Variants in RELN observed in about 807,000 individuals in gnomAD.
RELN encodes reelin.
Under a neutral mutation model 427.6 loss-of-function variants are expected in RELN, and 108 were observed. The ratio of observed to expected loss-of-function variants is 0.25; its 90% CI spans 0.22 to 0.30. The LOEUF (loss-of-function observed/expected upper bound fraction) is 0.30, where lower values mean the gene tolerates loss of function less well. RELN is among the 10% of genes least tolerant of loss of function. RELN has a pLI of 1.00. For missense variants in RELN, 3,715 were observed against 4,302.8 expected (o/e 0.86, Z 3.82); for synonymous variants, 1,524 against 1,513.4 (o/e 1.01, Z -0.16).
intron 10 of RELN, among the ~76,000 whole-genome samples, chr7:103,683,060 A>C (rs1191341256): frequency 6.6e-6 from 1 of 152,176 alleles, no homozygotes; most frequent in Non-Finnish European, 1.5e-5. Context: ...ATATAGAGAG[A>C]TGCTTGGGGC....
At chr7:103,535,530 C>A in intron 45 of RELN, 46 bp from the exon 46 acceptor site, 4 of 1,522,994 alleles carry the variant, frequency 2.6e-6, no homozygotes, top group Non-Finnish European at 3.6e-6. Flanking sequence ...TATCTGCAGA[C>A]CCAGGAACCA....
chr7:103,510,544 T>C (rs1263783547), intron 51 of RELN, among the ~76,000 whole-genome samples: 1 of 152,246 alleles, frequency 6.6e-6, no homozygotes, highest in East Asian at 1.9e-4. Flanking sequence ...GACGGTTTGA[T>C]GGGTGCAGCA....
chr7:103,898,991 G>T (rs1297615087), intron 2 of RELN, among the ~76,000 whole-genome samples: 4 of 151,878 alleles, frequency 2.6e-5, no homozygotes, highest in African/African-American at 7.3e-5. Flanking sequence ...CTTTAAAACG[G>T]TGCTTCCCAA....
intron 16 of RELN, among the ~76,000 whole-genome samples, chr7:103,643,267 C>G (rs2073554): frequency 0.04 from 6,116 of 152,122 alleles, 166 homozygotes; most frequent in East Asian, 0.14. Flanking sequence ...TTTGTCCCTT[C>G]TCCTCTCTTT....
intron 57 of RELN, among the ~76,000 whole-genome samples, chr7:103,494,214 C>T (rs1169016013): frequency 6.6e-6 from 1 of 152,108 alleles, no homozygotes; most frequent in Non-Finnish European, 1.5e-5. Flanking sequence ...GAGAGTTTAA[C>T]ATAGAGCTGA....
chr7:103,482,602 T>C (rs564942626), intron 63 of RELN, among the ~76,000 whole-genome samples: 2 of 152,388 alleles, frequency 1.3e-5, no homozygotes, highest in Non-Finnish European at 1.5e-5. Flanking sequence ...CTGGAGACTT[T>C]TGTTTTATCC....
At chr7:103,548,819 G>A (rs73714444) in intron 41 of RELN, among the ~76,000 whole-genome samples, 4 of 152,264 alleles carry the variant, frequency 2.6e-5, no homozygotes, top group African/African-American at 7.2e-5. Flanking sequence ...AATGCTGAGC[G>A]AGGTGGTCTC....
chr7:103,988,999 C>A lies in RELN; in HGVS notation c.226+132G>T. The A allele has an allele frequency of 1.3e-6, 1 of 789,370 alleles. No individual in the cohort carries two copies. The highest frequency in any genetic ancestry group is 2.1e-6 in the Non-Finnish European group (1 of 465,276). The allele number at this position is 789,370 out of a possible 1,614,324, so 48.9% of individuals were successfully genotyped here. A position where few individuals can be genotyped will look rare whatever the true frequency, so the allele number is the denominator to read the frequency against. ...CTAACTTTATTCTCGCTCCCTGGAC[C>A]AAGCGCATCGCTGGGGCCAGGGTTG... On this transcript the variant is annotated intron_variant, in intron 1 of 64. Transcript: ENST00000428762. The surrounding 1 kb of genome is among the most constrained non-coding windows in gnomAD (Gnocchi z 4.9).
chr7:103,973,231 T>C (rs1584412325), intron 1 of RELN, among the ~76,000 whole-genome samples: 2 of 152,230 alleles, frequency 1.3e-5, no homozygotes, highest in African/African-American at 4.8e-5. Context: ...AGGCAGTTAA[T>C]GGCAGAAGTT....
intron 11 of RELN, among the ~76,000 whole-genome samples, chr7:103,666,772 T>C (rs754362518): frequency 6.6e-6 from 1 of 152,190 alleles, no homozygotes; most frequent in Non-Finnish European, 1.5e-5. Context: ...TGAATGTGAA[T>C]TTCACATTTG....
chr7:103,551,916 T>A (rs1332381360), intron 40 of RELN, among the ~76,000 whole-genome samples: 4 of 149,590 alleles, frequency 2.7e-5, no homozygotes, highest in Non-Finnish European at 5.9e-5. Flanking sequence ...CCTTCCATAG[T>A]TACCTTCTGT....
chr7:103,483,034 A>T, intron 62 of RELN, 63 bp from the exon 63 acceptor site: 1 of 1,274,778 alleles, frequency 7.8e-7, no homozygotes, highest in Non-Finnish European at 1.1e-6. Flanking sequence ...TTGGTATTTG[A>T]CTTCTAGATG....
At chr7:103,942,855 T>C (rs1453826974) in intron 1 of RELN, among the ~76,000 whole-genome samples, 1 of 151,650 alleles carries the variant, frequency 6.6e-6, no homozygotes, top group Non-Finnish European at 1.5e-5. Flanking sequence ...GAGGTTGCAG[T>C]GAGCCAAGAT....
At chr7:103,647,148 C>T (rs929682178) in intron 16 of RELN, among the ~76,000 whole-genome samples, 1 of 151,996 alleles carries the variant, frequency 6.6e-6, no homozygotes, top group African/African-American at 2.4e-5. Flanking sequence ...AGAACTGGAA[C>T]ATGATGAGGA....
intron 2 of RELN, among the ~76,000 whole-genome samples, chr7:103,837,355 T>TA (rs1358751345): frequency 1.3e-5 from 2 of 152,230 alleles, no homozygotes; most frequent in African/African-American, 4.8e-5. Flanking sequence ...ATCTGACCCC[T>TA]ACTTGCTCTC....
intron 4 of RELN, among the ~76,000 whole-genome samples, chr7:103,769,199 G>A (rs1279625421): frequency 6.6e-6 from 1 of 152,168 alleles, no homozygotes; most frequent in Non-Finnish European, 1.5e-5. Context: ...ATTTGAATGT[G>A]TCCCCTCCAA....
At chr7:103,987,343 C>T (rs1212354104) in intron 1 of RELN, among the ~76,000 whole-genome samples, 1 of 152,136 alleles carries the variant, frequency 6.6e-6, no homozygotes, top group Non-Finnish European at 1.5e-5. Context: ...CCTTTTCAGA[C>T]TTAGATATGT....
intron 10 of RELN, among the ~76,000 whole-genome samples, chr7:103,683,878 T>C (rs1055494213): frequency 5.9e-5 from 9 of 152,092 alleles, no homozygotes; most frequent in African/African-American, 1.9e-4. Context: ...TGTCACTCTC[T>C]AGGGAGCAAG....
rs192680487 is a variant in RELN at position 103,647,241 on chromosome 7, C to T, written c.2002+3033G>A. Among the ~76,000 whole-genome samples, 791 of 151,688 alleles carry T rather than the reference C, an allele frequency of 5.2e-3. 5 individuals are homozygous for T. The highest frequency in any genetic ancestry group is 0.018 in the African/African-American group (757 of 41,392). On this transcript the variant is annotated intron_variant, in intron 16 of 64. Transcript: ENST00000428762. ...AGGCAAGACAAAGAAATAAAAGGCA[C>T]CCAAATTTGAAAATATAAAGTCAAA...
Sources: gnomAD v4.1 joint callset for allele counts (sites outside exome capture counted in the v4.1 genomes callset) on GRCh38, gnomAD v4.1.1 for gene constraint, Gnocchi (gnomAD v3.1) non-coding constraint, MANE v1.5 for transcripts, NCBI Gene and HGNC (gene_info 2026-07-23, HGNC 2026-07-21) for gene names.